The following MKNK2 variants were observed in gnomAD, a reference collection of about 807,000 sequenced individuals.
MKNK2 encodes MAP kinase-interacting serine/threonine-protein kinase 2.
A neutral mutation model predicts 55.0 loss-of-function variants in MKNK2; 54 were observed. The observed-to-expected ratio is 0.98, with a 90% CI of 0.79 to 1.23. MKNK2 has a LOEUF of 1.23. Ranked by LOEUF, MKNK2 falls within the 50% of genes most tolerant of loss-of-function variation. The pLI is 0.00. For missense variants in MKNK2, 685 were observed against 632.1 expected (o/e 1.08, Z -0.90); for synonymous variants, 323 against 256.0 (o/e 1.26, Z -2.50).
chr19:2,043,777 C>CA (rs2016943052), intron 5 of MKNK2, among the ~76,000 whole-genome samples, 195 bp from the exon 6 acceptor site: 1 of 152,052 alleles, frequency 6.6e-6, no homozygotes, highest in Non-Finnish European at 1.5e-5. Context: ...AGATTGAGAC[C>CA]ATCCTGGCCA....
rs1221577972 is a variant in MKNK2, at chr19:2,039,161, G to A, written c.*452C>T. On this transcript the variant is annotated 3_prime_UTR_variant, in exon 14 of 14. Coordinates refer to ENST00000250896, the MANE Select transcript of MKNK2 (RefSeq NM_199054.3). ...GAAGAGCCTGTCCCTGAAATACTGC[G>A]GGCTGGGAGGGAACACGAGGGCAGG... The A allele has an allele frequency of 2.6e-5, 26 of 997,188 alleles. No individual in the cohort carries two copies. Among genetic ancestry groups the A allele is most frequent in the South Asian group, 1.4e-4 (3 of 21,900 alleles). 61.8% of individuals were successfully genotyped at this position (997,188 alleles called of 1,614,324 possible).
chr19:2,046,335 C>A lies in MKNK2; in HGVS notation c.241+32G>T, dbSNP rs377081063. 3.2e-5 allele frequency: 52 copies of A among 1,604,244 alleles called. No homozygotes were observed. In the African/African-American group the frequency reaches 6.7e-4, roughly 21 times the overall value. ...AGGGACCCTGGCTTTTCCCCGCTCC[C>A]GGCTCCCCCAATGCCCGCCATCCCC... On this transcript the variant is annotated intron_variant, in intron 4 of 13. Transcript: ENST00000250896.
intron 12 of MKNK2, chr19:2,040,728 T>G (rs1403626785): frequency 4.7e-6 from 2 of 422,610 alleles, no homozygotes; most frequent in Non-Finnish European, 8.6e-6. Flanking sequence ...CAGGCTAGGC[T>G]GGGGTCTATG....
chr19:2,046,298 G>A lies in MKNK2; in HGVS notation c.242-15C>T, dbSNP rs2016995505. The A allele has an allele frequency of 4.4e-6, 7 of 1,603,228 alleles. No individual in the cohort carries two copies. Among genetic ancestry groups the A allele is most frequent in the Non-Finnish European group, 5.9e-6 (7 of 1,179,818 alleles). Reference sequence around the variant, plus strand: ...CTGGTAGACGTCTGCCGGGCAGCGGGGCGGGCGTGAGAGGGACCCTGGCTT... The same window carrying A: ...CTGGTAGACGTCTGCCGGGCAGCGGAGCGGGCGTGAGAGGGACCCTGGCTT... On this transcript the variant is annotated splice_polypyrimidine_tract_variant and intron_variant, in intron 4 of 13. Transcript: ENST00000250896.
chr19:2,050,498 G>T (rs1362759517), intron 2 of MKNK2, among the ~76,000 whole-genome samples: 1 of 152,238 alleles, frequency 6.6e-6, no homozygotes, highest in Non-Finnish European at 1.5e-5. Flanking sequence ...CCCGGCGGGG[G>T]CTTGCAGGGG....
At chr19:2,043,873 C>T (rs919805364) in intron 5 of MKNK2, among the ~76,000 whole-genome samples, 6 of 147,868 alleles carry the variant, frequency 4.1e-5, no homozygotes, top group African/African-American at 1.5e-4. Flanking sequence ...ACTTGTGAGG[C>T]TGAGGCAGGA....
chr19:2,042,254 T>C (rs1410507425), intron 10 of MKNK2, 173 bp downstream of exon 10: 4 of 702,408 alleles, frequency 5.7e-6, no homozygotes, highest in Middle Eastern at 4.1e-4. Context: ...CACCGACGCG[T>C]TGGGGCGCCT....
intron 5 of MKNK2, 52 bp from the exon 6 acceptor site, chr19:2,043,634 G>C: frequency 6.5e-7 from 1 of 1,527,784 alleles, no homozygotes; most frequent in Non-Finnish European, 9.0e-7. Flanking sequence ...GCTCATAGTC[G>C]AGAAGGGGCC....
chr19:2,037,835 GAAAAAAAA>G lies in MKNK2; in HGVS notation c.*1770_*1777del. The stretch of plus-strand genomic sequence containing the variant: ...GGAGGAAGTGACTGTCCCACCTTCA[GAAAAAAAA>G]AAAAAAACAAACAAACAAACGCTGC... On this transcript the variant is annotated 3_prime_UTR_variant, in exon 14 of 14. Transcript: ENST00000250896. The G allele has an allele frequency of 4.7e-6, 6 of 1,282,616 alleles. No homozygotes were observed. In the South Asian group the frequency reaches 6.1e-5, roughly 13 times the overall value. The allele number at this position is 1,282,616 out of a possible 1,614,324, so 79.5% of individuals were successfully genotyped here. A position where few individuals can be genotyped will look rare whatever the true frequency, so the allele number is the denominator to read the frequency against.
chr19:2,043,507 G>A lies in MKNK2; in HGVS notation c.415C>T (p.His139Tyr). 6.2e-7 allele frequency: 1 copy of A among 1,613,930 alleles called. No homozygotes were observed. Among genetic ancestry groups the A allele is most frequent in the Non-Finnish European group, 8.5e-7 (1 of 1,179,876 alleles). The change falls in exon 6 of 14, where the codon CAC becomes TAC. Residue 139 changes from histidine to tyrosine, a missense_variant. His to Tyr is a moderately conservative substitution (Grantham distance 83). Transcript: ENST00000250896. ...EVEMLYQCQGHRNVLELIEFF... is the reference protein window; with the variant it reads ...EVEMLYQCQGYRNVLELIEFF... ...TGGCAAGGGTGGCTCACCTACCTGT[G>A]TCCCTGGCACTGGTACAGCATCTCC...
intron 5 of MKNK2, among the ~76,000 whole-genome samples, chr19:2,045,522 C>T (rs915535763): frequency 6.6e-6 from 1 of 152,160 alleles, no homozygotes; most frequent in Non-Finnish European, 1.5e-5. Context: ...CACCCCTCTT[C>T]TTCCTCCTTC....
chr19:2,038,806 G>A lies in MKNK2; in HGVS notation c.*807C>T. 1 of 985,718 alleles carries A rather than the reference G, an allele frequency of 1.0e-6. No individual in the cohort carries two copies. Among genetic ancestry groups the A allele is most frequent in the Non-Finnish European group, 1.2e-6 (1 of 829,970 alleles). The allele number at this position is 985,718 out of a possible 1,614,324, so 61.1% of individuals were successfully genotyped here. On this transcript the variant is annotated 3_prime_UTR_variant, in exon 14 of 14. Transcript: ENST00000250896. ...CCCTCTGCCTGCTGCGGTGGAAACG[G>A]CTTCGGGCCAGGCGGGGCTCCTGCT... is the stretch of plus-strand genomic sequence containing the variant.
chr19:2,046,207 G>A lies in MKNK2; in HGVS notation c.318C>T (p.Thr106=). The A allele has an allele frequency of 6.2e-7, 1 of 1,608,636 alleles. No individual in the cohort carries two copies. The highest frequency in any genetic ancestry group is 8.5e-7 in the Non-Finnish European group (1 of 1,179,892). Residue 106 remains threonine, a synonymous_variant, in exon 5 of 14, where the codon ACC becomes ACT. Transcript: ENST00000250896. Reference sequence around the variant, plus strand: ...CCACCTTGACGGCGTACTCCTGGCTGGTGATCAGGTTGATGCAGGTCTGCA... The same window carrying A: ...CCACCTTGACGGCGTACTCCTGGCTAGTGATCAGGTTGATGCAGGTCTGCA... ...ARVQTCINLI[T]SQEYAVKIIE...
chr19:2,042,330 C>G lies in MKNK2; in HGVS notation c.750+97G>C, dbSNP rs538027138. 1,246 of 1,142,416 alleles carry G rather than the reference C, an allele frequency of 1.1e-3. 14 individuals carry two copies. The East Asian group carries it at 0.024, about 22-fold the overall frequency. 70.8% of individuals were successfully genotyped at this position (1,142,416 alleles called of 1,614,324 possible). ...GGCTGTTGCTAGGCGGAAGCCCGAGCTCCGCGGCCTGGAGCTGCTGGATGG... is the reference window on the plus strand; with the variant it reads ...GGCTGTTGCTAGGCGGAAGCCCGAGGTCCGCGGCCTGGAGCTGCTGGATGG... On this transcript the variant is annotated intron_variant, in intron 10 of 13. Transcript: ENST00000250896.
rs1383783758 is a variant in MKNK2, at chr19:2,038,044, G to A, written c.*1569C>T. 2 of 1,280,292 alleles carry A rather than the reference G, an allele frequency of 1.6e-6. No homozygotes were observed. The highest frequency in any genetic ancestry group is 3.0e-5 in the African/African-American group (2 of 66,400). 79.3% of individuals were successfully genotyped at this position (1,280,292 alleles called of 1,614,324 possible). A position where few individuals can be genotyped will look rare whatever the true frequency, so the allele number is the denominator to read the frequency against. ...GCGGAATGCCCCACCCCCCCCAGGG[G>A]TCTTTGGAAGGGGCAGTCCACAGAT... is the stretch of plus-strand genomic sequence containing the variant. On this transcript the variant is annotated 3_prime_UTR_variant, in exon 14 of 14. Transcript: ENST00000250896.
Position 2,040,367 on chromosome 19 carries a change from C to A in MKNK2, c.1111-190G>T, listed in dbSNP as rs1042135204. The A allele has an allele frequency of 8.9e-6, 5 of 560,116 alleles. No individual in the cohort carries two copies. In the South Asian group the frequency reaches 1.2e-4, roughly 13 times the overall value. 34.7% of individuals were successfully genotyped at this position (560,116 alleles called of 1,614,324 possible). A position where few individuals can be genotyped will look rare whatever the true frequency, so the allele number is the denominator to read the frequency against. On this transcript the variant is annotated intron_variant, in intron 12 of 13. Coordinates refer to ENST00000250896, the MANE Select transcript of MKNK2 (RefSeq NM_199054.3). ...GTCCCTATGGTGAGGCTCCATGTCC[C>A]CCTGCCCAGGGAACCCGAGGCTGGG...
At position 2,046,673 on chromosome 19, in the gene MKNK2, G is replaced by C. The variant is rs1262651669; in HGVS notation, c.70C>G (p.Leu24Val). 2.0e-6 allele frequency: 3 copies of C among 1,538,070 alleles called. No individual in the cohort carries two copies. The highest frequency in any genetic ancestry group is 1.7e-6 in the Non-Finnish European group (2 of 1,143,100). ...TCGGGCTGGTCTAGGGAGAAGGCCA[G>C]CTCGAAGGGGTTCTGCCCCTGCAGG... ...RSFKGQNPFE[L>V]AFSLDQPDHG... The change falls in exon 3 of 14, where the codon CTG becomes GTG. Residue 24 changes from leucine (L) to valine (V), a missense_variant. Transcript: ENST00000250896.
Position 2,039,479 on chromosome 19 carries a change from C to A in MKNK2, c.*134G>T. ...CAAAAACCTTCTATAAAACACCCCC[C>A]TCAGCTGAGCTTAGTGCCTGGGAAT... On this transcript the variant is annotated 3_prime_UTR_variant, in exon 14 of 14. Transcript: ENST00000250896. The A allele has an allele frequency of 1.4e-6, 2 of 1,420,662 alleles. No homozygotes were observed. The highest frequency in any genetic ancestry group is 2.5e-5 in the East Asian group (1 of 39,620). 88.0% of individuals were successfully genotyped at this position (1,420,662 alleles called of 1,614,324 possible).
In MKNK2 at chr19:2,042,591, G is replaced by C. The variant is rs2016913570; in HGVS notation, c.654+16C>G. 2 of 1,567,598 alleles carry C rather than the reference G, an allele frequency of 1.3e-6. No individual in the cohort carries two copies. The highest frequency in any genetic ancestry group is 1.7e-6 in the Non-Finnish European group (2 of 1,156,248). ...TCCACCCCTCCCGCGGGGCCACCCT[G>C]CCGGAACTGGCCTACCTGGTTGGGG... On this transcript the variant is annotated intron_variant, in intron 9 of 13. Transcript: ENST00000250896.
Sources: allele counts gnomAD v4.1 joint callset (sites outside exome capture counted in the v4.1 genomes callset), GRCh38; gene constraint gnomAD v4.1.1; transcripts MANE v1.5; gene names NCBI Gene and HGNC (gene_info 2026-07-23, HGNC 2026-07-21).